Variants in SFMBT2 observed in about 807,000 individuals in gnomAD.
SFMBT2 encodes Scm like with four mbt domains 2.
SFMBT2 carries 38 observed loss-of-function variants against 110.1 expected under a neutral mutation model. The ratio of observed to expected loss-of-function variants is 0.35; its 90% CI spans 0.27 to 0.45. SFMBT2 has a LOEUF of 0.45. Ranked by LOEUF, SFMBT2 falls within the 20% of genes least tolerant of loss-of-function variation. SFMBT2 has a pLI of 1.00. For missense variants in SFMBT2, 1,011 were observed against 1,094.9 expected (o/e 0.92, Z 1.08); for synonymous variants, 425 against 425.4 (o/e 1.00, Z 0.01).
intron 16 of SFMBT2, 56 bp downstream of exon 16, chr10:7,188,568 A>C (rs1838497815): frequency 1.4e-6 from 2 of 1,390,058 alleles, no homozygotes; most frequent in East Asian, 4.6e-5. Context: ...CAAGGTTCAA[A>C]GTAGCATGGG....
chr10:7,341,109 C>T (rs1234476205), intron 4 of SFMBT2, among the ~76,000 whole-genome samples: 1 of 152,174 alleles, frequency 6.6e-6, no homozygotes, highest in Non-Finnish European at 1.5e-5. Flanking sequence ...TACAGAAAAG[C>T]CATTACAAAG....
chr10:7,252,781 C>T (rs1347325229), intron 7 of SFMBT2, among the ~76,000 whole-genome samples: 1 of 152,112 alleles, frequency 6.6e-6, no homozygotes, highest in Non-Finnish European at 1.5e-5. Flanking sequence ...GTCTTTGTCC[C>T]TGGTATAGGA....
chr10:7,363,264 C>T (rs746877451), intron 4 of SFMBT2, among the ~76,000 whole-genome samples: 1 of 152,140 alleles, frequency 6.6e-6, no homozygotes, highest in African/African-American at 2.4e-5. Context: ...CCATGTAAGA[C>T]GTGCCTTTGC....
At chr10:7,310,159 C>T (rs1238324207) in intron 4 of SFMBT2, among the ~76,000 whole-genome samples, 1 of 152,206 alleles carries the variant, frequency 6.6e-6, no homozygotes, top group Non-Finnish European at 1.5e-5. Context: ...ACCTGGTGAA[C>T]AGTTTCAAAC....
chr10:7,289,482 C>T (rs1842200340), intron 4 of SFMBT2, among the ~76,000 whole-genome samples: 1 of 152,172 alleles, frequency 6.6e-6, no homozygotes, highest in African/African-American at 2.4e-5. Context: ...ATCTTGCGAG[C>T]CTCAAGTTCC....
chr10:7,188,985 G>A (rs987384424), intron 15 of SFMBT2: 1 of 246,342 alleles, frequency 4.1e-6, no homozygotes, highest in South Asian at 1.5e-4. Context: ...CTCTAGAGGG[G>A]GTGGCAGACT....
chr10:7,255,320 C>T (rs1268816910), intron 7 of SFMBT2, among the ~76,000 whole-genome samples: 1 of 152,238 alleles, frequency 6.6e-6, no homozygotes, highest in Non-Finnish European at 1.5e-5. Context: ...GAATCATTCA[C>T]ACTTTGCAAT....
intron 7 of SFMBT2, among the ~76,000 whole-genome samples, chr10:7,276,009 C>T (rs1841762596): frequency 6.6e-6 from 1 of 152,224 alleles, no homozygotes; most frequent in Non-Finnish European, 1.5e-5. Flanking sequence ...GTTGGGTCGC[C>T]GCCCACACTC....
At chr10:7,264,980 T>C (rs1841333343) in intron 7 of SFMBT2, among the ~76,000 whole-genome samples, 1 of 150,584 alleles carries the variant, frequency 6.6e-6, no homozygotes, top group African/African-American at 2.4e-5. Context: ...TGTGTAGACA[T>C]TAAGCCTAGT....
intron 6 of SFMBT2, among the ~76,000 whole-genome samples, chr10:7,277,677 C>T (rs1841827417): frequency 6.6e-6 from 1 of 151,840 alleles, no homozygotes; most frequent in South Asian, 2.1e-4. Flanking sequence ...TTACCTATTG[C>T]TGAAACTGCA....
chr10:7,382,909 T>C (rs1367121720), intron 1 of SFMBT2, among the ~76,000 whole-genome samples: 1 of 152,198 alleles, frequency 6.6e-6, no homozygotes, highest in Non-Finnish European at 1.5e-5. Flanking sequence ...CCAGCTCCTT[T>C]ATGTCAGGGC....
chr10:7,379,104 T>C (rs770544923), intron 2 of SFMBT2, among the ~76,000 whole-genome samples: 1 of 152,100 alleles, frequency 6.6e-6, no homozygotes, highest in Non-Finnish European at 1.5e-5. Context: ...CGCAAAGAAC[T>C]TAACATTTTC....
intron 4 of SFMBT2, among the ~76,000 whole-genome samples, chr10:7,342,909 T>G (rs779178273): frequency 1.1e-4 from 17 of 151,492 alleles, no homozygotes; most frequent in Non-Finnish European, 2.4e-4. Context: ...TATTAGATTT[T>G]TTTGTGGGGA....
chr10:7,329,288 A>C lies in SFMBT2; in HGVS notation c.436+38361T>G, dbSNP rs1843492652. Among the ~76,000 whole-genome samples, 4 of 152,220 alleles carry C rather than the reference A, an allele frequency of 2.6e-5. No homozygotes were observed. The South Asian group carries it at 8.3e-4, about 32-fold the overall frequency. ...GACGCCTGGCGTGTGTTTTTACCCA[A>C]GGCTGGAAGCAGAAGGAAGAGCCTC... On this transcript the variant is annotated intron_variant, in intron 4 of 20. Coordinates refer to ENST00000397167, the MANE Select transcript of SFMBT2 (RefSeq NM_001387889.1).
intron 4 of SFMBT2, among the ~76,000 whole-genome samples, chr10:7,325,854 T>C (rs377115625): frequency 4.6e-5 from 7 of 152,338 alleles, no homozygotes; most frequent in African/African-American, 1.7e-4. Context: ...CTGAATATAC[T>C]AAAACCATTG....
intron 6 of SFMBT2, 112 bp from the exon 7 acceptor site, chr10:7,277,101 C>A (rs1841805469): frequency 2.9e-6 from 2 of 694,960 alleles, no homozygotes; most frequent in Non-Finnish European, 2.6e-6. Context: ...CGGTCAGTGA[C>A]CGTGAGTGTT....
intron 6 of SFMBT2, among the ~76,000 whole-genome samples, chr10:7,280,745 TC>T (rs1222840781): frequency 6.6e-6 from 1 of 152,122 alleles, no homozygotes; most frequent in Non-Finnish European, 1.5e-5. Flanking sequence ...TTTCCCCTCC[TC>T]CTTCCCCAAG....
At chr10:7,360,248 A>G (rs1588479351) in intron 4 of SFMBT2, among the ~76,000 whole-genome samples, 1 of 152,220 alleles carries the variant, frequency 6.6e-6, no homozygotes, top group East Asian at 1.9e-4. Context: ...TGGAAAGATC[A>G]TTTGAGCTCA....
In SFMBT2 at chr10:7,407,139, A is replaced by G. The variant is rs1405167607; in HGVS notation, c.-52+3722T>C. 3.3e-5 allele frequency among the ~76,000 whole-genome samples: 5 copies of G among 152,206 alleles called. No homozygotes were observed. The South Asian group carries it at 1.0e-3, about 32-fold the overall frequency. The stretch of plus-strand genomic sequence containing the variant: ...TGTGCAAATTTAATGCTTAGTAGGG[A>G]AAAAGCAGGAGACCTCCTATCTCCA... On this transcript the variant is annotated intron_variant, in intron 1 of 20. Coordinates refer to ENST00000397167, the MANE Select transcript of SFMBT2 (RefSeq NM_001387889.1).
Sources: allele counts gnomAD v4.1 joint callset (sites outside exome capture counted in the v4.1 genomes callset), GRCh38; gene constraint gnomAD v4.1.1; transcripts MANE v1.5; gene names NCBI Gene and HGNC (gene_info 2026-07-23, HGNC 2026-07-21).